The following MME variants were observed in gnomAD, a reference collection of about 807,000 sequenced individuals.
The protein encoded by MME is membrane metalloendopeptidase.
A neutral mutation model predicts 113.2 loss-of-function variants in MME; 98 were observed. The observed-to-expected ratio is 0.87, with a 90% CI of 0.74 to 1.02. MME has a LOEUF of 1.02. MME is among the 50% of genes least tolerant of loss of function. MME has a pLI of 0.00. For missense variants in MME, 836 were observed against 896.0 expected, an observed-to-expected ratio of 0.93 and a Z score of 0.86; for synonymous variants, 292 against 300.6, an observed-to-expected ratio of 0.97 and a Z score of 0.30.
Position 155,050,203 on chromosome 3 carries a change from A to G in MME, c.-11+25879A>G, listed in dbSNP as rs896679814. 9.9e-5 allele frequency among the ~76,000 whole-genome samples: 15 copies of G among 152,176 alleles called. 1 individual carries two copies. The highest frequency in any genetic ancestry group is 5.9e-4 in the Admixed American group (9 of 15,256). ...GGCTGCGTAGTATTCCATGTTGTAT[A>G]TATACCACATTTTCTTTATTGAGTC... On this transcript the variant is annotated intron_variant, in intron 1 of 22. Transcript: ENST00000492661.
At chr3:155,062,776 T>G (rs1222561632) in intron 1 of MME, among the ~76,000 whole-genome samples, 1 of 152,010 alleles carries the variant, frequency 6.6e-6, no homozygotes, top group Non-Finnish European at 1.5e-5. Flanking sequence ...AAGAATTGAC[T>G]GGGCGCAGTG....
intron 16 of MME, among the ~76,000 whole-genome samples, chr3:155,159,861 G>T (rs1478913316): frequency 6.6e-6 from 1 of 151,888 alleles, no homozygotes. Flanking sequence ...TGTATTTTTT[G>T]AAAACACTTT....
At chr3:155,087,248 G>GCT (rs1559908869) in intron 3 of MME, among the ~76,000 whole-genome samples, 8 of 67,694 alleles carry the variant, frequency 1.2e-4, no homozygotes, top group Non-Finnish European at 2.0e-4. Flanking sequence ...TGTGCCCTTT[G>GCT]GTTTTTTTTT....
At chr3:155,125,597 A>T (rs1243549354) in intron 8 of MME, among the ~76,000 whole-genome samples, 2 of 151,330 alleles carry the variant, frequency 1.3e-5, no homozygotes, top group African/African-American at 4.9e-5. Flanking sequence ...AGTACCTGGG[A>T]TTACAGGTGC....
At chr3:155,063,078 T>C (rs1714207526) in intron 1 of MME, among the ~76,000 whole-genome samples, 1 of 142,484 alleles carries the variant, frequency 7.0e-6, no homozygotes, top group South Asian at 2.2e-4. Context: ...CAAAACTAAA[T>C]ATGTAATTAA....
intron 8 of MME, among the ~76,000 whole-genome samples, chr3:155,128,019 TC>T (rs943676590): frequency 2.6e-5 from 4 of 152,228 alleles, no homozygotes; most frequent in African/African-American, 9.6e-5. Context: ...TTGCTCCTCT[TC>T]CATAACTATG....
chr3:155,109,674 T>G (rs1718017667), intron 3 of MME, among the ~76,000 whole-genome samples: 1 of 152,178 alleles, frequency 6.6e-6, no homozygotes, highest in African/African-American at 2.4e-5. Flanking sequence ...AGACCCACTC[T>G]AGAAAACCTT....
At chr3:155,025,669 G>A (rs2108109627) in intron 1 of MME, among the ~76,000 whole-genome samples, 1 of 141,602 alleles carries the variant, frequency 7.1e-6, no homozygotes, top group East Asian at 2.2e-4. Flanking sequence ...AGTGGTATCA[G>A]ATTTTTTCTT....
intron 1 of MME, among the ~76,000 whole-genome samples, chr3:155,065,221 T>C (rs1028285136): frequency 6.6e-6 from 1 of 152,182 alleles, no homozygotes; most frequent in Non-Finnish European, 1.5e-5. Flanking sequence ...TGTGTGTTTC[T>C]TTTAACTAAC....
At position 155,169,949 on chromosome 3, in the gene MME, T is replaced by C. The variant is rs191277736; in HGVS notation, c.1980+1152T>C. The stretch of plus-strand genomic sequence containing the variant: ...TTGGGAGATTAAGTCAGCTACAAGG[T>C]TTCCAAAAGAATGAGTCCAACCAGT... On this transcript the variant is annotated intron_variant, in intron 20 of 22. Coordinates refer to ENST00000360490, the MANE Select transcript of MME (RefSeq NM_007289.4). Among the ~76,000 whole-genome samples the C allele has an allele frequency of 7.9e-5, 12 of 152,264 alleles. No individual in the cohort carries two copies. In the East Asian group the frequency reaches 2.3e-3, roughly 29 times the overall value.
At chr3:155,065,773 G>A (rs946034005) in intron 1 of MME, among the ~76,000 whole-genome samples, 1 of 152,190 alleles carries the variant, frequency 6.6e-6, no homozygotes, top group African/African-American at 2.4e-5. Context: ...AGCAGGCTGA[G>A]CTGAGGTAAA....
intron 16 of MME, among the ~76,000 whole-genome samples, chr3:155,151,085 T>C (rs1320381085): frequency 6.6e-6 from 1 of 152,114 alleles, no homozygotes; most frequent in East Asian, 1.9e-4. Flanking sequence ...AAAAAAAAAA[T>C]GTAATAAAGT....
Position 155,116,590 on chromosome 3 carries a change from G to GTATA in MME, c.439+45_439+48dup, listed in dbSNP as rs10522735. 2.2e-3 allele frequency: 2,758 copies of GTATA among 1,236,950 alleles called. 3 individuals carry two copies. The highest frequency in any genetic ancestry group is 0.013 in the African/African-American group (838 of 66,938). 76.6% of individuals were successfully genotyped at this position (1,236,950 alleles called of 1,614,324 possible). Reference sequence around the variant, plus strand: ...TGCTCTTCATTTGATTTCATTAGGAGTATATATATATATATATTGGTGCCA... The same window carrying GTATA: ...TGCTCTTCATTTGATTTCATTAGGAGTATATATATATATATATATATTGGTGCCA... On this transcript the variant is annotated intron_variant, in intron 5 of 22. Coordinates refer to ENST00000360490, the MANE Select transcript of MME (RefSeq NM_007289.4).
intron 1 of MME, among the ~76,000 whole-genome samples, chr3:155,033,651 C>T (rs1305995967): frequency 6.6e-6 from 1 of 152,046 alleles, no homozygotes; most frequent in African/African-American, 2.4e-5. Context: ...ACATTGCTTC[C>T]TATTTGATGT....
intron 8 of MME, among the ~76,000 whole-genome samples, chr3:155,129,174 C>G (rs190524514): frequency 6.6e-6 from 1 of 152,074 alleles, no homozygotes; most frequent in Non-Finnish European, 1.5e-5. Context: ...CTTCCTTGCC[C>G]GTCGCTTTAG....
chr3:155,085,287 A>G, intron 3 of MME, 193 bp downstream of exon 3: 2 of 478,038 alleles, frequency 4.2e-6, no homozygotes. Context: ...TCTGAAAAAT[A>G]TATTACTATT....
intron 16 of MME, among the ~76,000 whole-genome samples, chr3:155,159,770 C>A (rs1340742899): frequency 6.6e-6 from 1 of 151,970 alleles, no homozygotes; most frequent in Non-Finnish European, 1.5e-5. Flanking sequence ...GACAGACAGA[C>A]CGACAAATCT....
chr3:155,145,715 G>GT lies in MME; in HGVS notation c.1416+1263dup, dbSNP rs763187436. Among the ~76,000 whole-genome samples, 44 of 152,198 alleles carry GT rather than the reference G, an allele frequency of 2.9e-4. No individual in the cohort carries two copies. The Middle Eastern group carries it at 0.01, about 35-fold the overall frequency. On this transcript the variant is annotated intron_variant, in intron 14 of 22. Transcript: ENST00000360490. ...CCTGCAATAAAGAAACTTGCTTAAT[G>GT]TTTTTGCGACAGCATTTACCCGAAG... is the stretch of plus-strand genomic sequence containing the variant.
intron 1 of MME, among the ~76,000 whole-genome samples, chr3:155,043,409 G>T (rs56976000): frequency 0.021 from 3,234 of 150,794 alleles, 112 homozygotes; most frequent in African/African-American, 0.069. Context: ...TTGGCTCACT[G>T]CAACCTCCAC....
Sources: allele counts gnomAD v4.1 joint callset (sites outside exome capture counted in the v4.1 genomes callset), GRCh38; gene constraint gnomAD v4.1.1; transcripts MANE v1.5; gene names NCBI Gene and HGNC (gene_info 2026-07-23, HGNC 2026-07-21).